Variants in CFAP54 observed in about 807,000 individuals in gnomAD.
The protein encoded by CFAP54 is cilia and flagella associated protein 54.
CFAP54 carries 290 observed loss-of-function variants against 370.4 expected under a neutral mutation model. The ratio of observed to expected loss-of-function variants is 0.78; its 90% CI spans 0.71 to 0.86. The LOEUF (loss-of-function observed/expected upper bound fraction) is 0.86. Ranked by LOEUF, CFAP54 falls within the 40% of genes least tolerant of loss-of-function variation. CFAP54 has a pLI of 0.00. For synonymous variants in CFAP54, 1,206 were observed against 1,236.5 expected, an observed-to-expected ratio of 0.98 and a Z score of 0.52; for missense variants, 3,399 against 3,528.7, an observed-to-expected ratio of 0.96 and a Z score of 0.93.
chr12:96,812,821 A>G (rs913909661), intron 64 of CFAP54, among the ~76,000 whole-genome samples: 6 of 152,194 alleles, frequency 3.9e-5, no homozygotes, highest in South Asian at 2.1e-4. Context: ...AGTGCTGGGC[A>G]TATTTTCAAT....
At chr12:96,729,158 C>G (rs1957883605) in intron 50 of CFAP54, among the ~76,000 whole-genome samples, 3 of 152,194 alleles carry the variant, frequency 2.0e-5, no homozygotes, top group African/African-American at 7.2e-5. Flanking sequence ...GGCAGTCTGC[C>G]CGTTCTCAGA....
intron 17 of CFAP54, among the ~76,000 whole-genome samples, chr12:96,555,241 T>C (rs933277498): frequency 1.3e-5 from 2 of 151,952 alleles, no homozygotes; most frequent in African/African-American, 4.8e-5. Flanking sequence ...CACAGAAATA[T>C]CTATATCAAA....
At chr12:96,634,046 CTTTTT>C (rs71437232) in intron 32 of CFAP54, among the ~76,000 whole-genome samples, 12 of 56,860 alleles carry the variant, frequency 2.1e-4, no homozygotes, top group Non-Finnish European at 3.3e-4. Flanking sequence ...TAGCGAACAT[CTTTTT>C]TTTTTTTTTT....
intron 63 of CFAP54, among the ~76,000 whole-genome samples, chr12:96,806,898 A>G (rs1958888199): frequency 6.6e-6 from 1 of 152,202 alleles, no homozygotes; most frequent in South Asian, 2.1e-4. Flanking sequence ...AACCAGCAGC[A>G]CTAGCATCCC....
Position 96,875,540 on chromosome 12 carries a change from A to G in CFAP54, c.*437A>G, listed in dbSNP as rs995553956. 6.6e-6 allele frequency: 1 copy of G among 152,204 alleles called. No individual in the cohort carries two copies. The highest frequency in any genetic ancestry group is 2.4e-5 in the African/African-American group (1 of 41,442). 9.4% of individuals were successfully genotyped at this position (152,204 alleles called of 1,614,324 possible). A position where few individuals can be genotyped will look rare whatever the true frequency, so the allele number is the denominator to read the frequency against. Reference sequence around the variant, plus strand: ...TAATTCTCAAGTAGATTAAAACTACATTCTGGTAAAAATGAGCATGCATGT... The same window carrying G: ...TAATTCTCAAGTAGATTAAAACTACGTTCTGGTAAAAATGAGCATGCATGT... On this transcript the variant is annotated 3_prime_UTR_variant, in exon 68 of 68. Coordinates refer to ENST00000524981, the MANE Select transcript of CFAP54 (RefSeq NM_001306084.2).
intron 60 of CFAP54, among the ~76,000 whole-genome samples, chr12:96,772,651 GGCATACTGCCCAGGCTGGAGTGCAA>G (rs1958475166): frequency 1.5e-5 from 2 of 135,080 alleles, no homozygotes; most frequent in African/African-American, 7.1e-5. Flanking sequence ...GGAGTGCAAT[GGCATACTGCCCAGGCTGGAGTGCAA>G]TGGAATAATC....
rs938651974 is a variant in CFAP54, at chr12:96,854,807, A to T, written c.9172-6012A>T. ...GGAACTATTATAATGTCTTTTTTTT[A>T]ACTTTTATTTTAGGTTCGGAATACA... On this transcript the variant is annotated intron_variant, in intron 66 of 67. Coordinates refer to ENST00000524981, the MANE Select transcript of CFAP54 (RefSeq NM_001306084.2). Among the ~76,000 whole-genome samples the T allele has an allele frequency of 2.6e-5, 4 of 152,134 alleles. No individual in the cohort carries two copies. In the East Asian group the frequency reaches 7.7e-4, roughly 29 times the overall value.
intron 5 of CFAP54, among the ~76,000 whole-genome samples, chr12:96,517,784 G>T (rs1955254399): frequency 6.6e-6 from 1 of 152,212 alleles, no homozygotes; most frequent in African/African-American, 2.4e-5. Context: ...GCAACCTGGG[G>T]TAAAGCCACA....
At chr12:96,775,558 G>A (rs1413224118) in intron 60 of CFAP54, among the ~76,000 whole-genome samples, 1 of 152,038 alleles carries the variant, frequency 6.6e-6, no homozygotes, top group East Asian at 1.9e-4. Context: ...TAGCTCATGA[G>A]TCCCACATAA....
intron 9 of CFAP54, 122 bp from the exon 10 acceptor site, chr12:96,533,670 G>C: frequency 1.3e-6 from 1 of 763,384 alleles, no homozygotes. Context: ...TCCCCCACTA[G>C]AACGTAAATC....
intron 65 of CFAP54, among the ~76,000 whole-genome samples, chr12:96,821,108 T>C (rs1001017424): frequency 6.6e-6 from 1 of 152,114 alleles, no homozygotes; most frequent in Non-Finnish European, 1.5e-5. Context: ...CTCATTTTCC[T>C]CTGAACTCCA....
chr12:96,788,854 T>C (rs930550158), intron 62 of CFAP54, among the ~76,000 whole-genome samples: 10 of 152,310 alleles, frequency 6.6e-5, no homozygotes, highest in African/African-American at 2.2e-4. Flanking sequence ...GAAAGCACAC[T>C]GGAAGATTTT....
intron 55 of CFAP54, among the ~76,000 whole-genome samples, chr12:96,744,701 C>A (rs1370770959): frequency 6.6e-6 from 1 of 151,940 alleles, no homozygotes; most frequent in African/African-American, 2.4e-5. Flanking sequence ...TATTTATTTT[C>A]TTTCTTCAAC....
chr12:96,514,642 C>T (rs924230173), intron 5 of CFAP54, among the ~76,000 whole-genome samples: 11 of 152,138 alleles, frequency 7.2e-5, no homozygotes, highest in African/African-American at 9.7e-5. Context: ...ATGTCTGTGC[C>T]GACATTTGAC....
Position 96,527,387 on chromosome 12 carries a change from G to T in CFAP54, c.1300G>T (p.Val434Leu), listed in dbSNP as rs1955394845. Residue 434 changes from valine to leucine, a missense_variant, in exon 9 of 68, where the codon GTG becomes TTG. Physicochemically the swap from Val to Leu is conservative, Grantham distance 32. Coordinates refer to ENST00000524981, the MANE Select transcript of CFAP54 (RefSeq NM_001306084.2). ...LQTGPIVTDE[V>L]EIHDVVSELF... is the part of the protein sequence containing the mutation. ...AACTGGACCCATTGTTACAGATGAA[G>T]TGGAGATTCATGATGTTGTCTCAGA... 2.6e-6 allele frequency: 4 copies of T among 1,534,436 alleles called. No homozygotes were observed. The East Asian group carries it at 9.8e-5, about 38-fold the overall frequency.
intron 60 of CFAP54, among the ~76,000 whole-genome samples, chr12:96,771,543 T>G (rs34266731): frequency 0.042 from 6,324 of 152,196 alleles, 199 homozygotes; most frequent in Non-Finnish European, 0.065. Context: ...TCCCAGCTAC[T>G]CGGGAGGCTG....
At chr12:96,688,403 A>C (rs986631110) in intron 42 of CFAP54, among the ~76,000 whole-genome samples, 7 of 152,182 alleles carry the variant, frequency 4.6e-5, no homozygotes, top group African/African-American at 1.7e-4. Context: ...TTTACCAAAA[A>C]CTTCCACGTC....
rs542994308 is a variant in CFAP54, at chr12:96,861,337, C to T, written c.*14+385C>T. 2.0e-4 allele frequency among the ~76,000 whole-genome samples: 31 copies of T among 152,262 alleles called. No homozygotes were observed. The South Asian group carries it at 4.8e-3, about 23-fold the overall frequency. On this transcript the variant is annotated intron_variant, in intron 67 of 67. Transcript: ENST00000524981. Reference sequence around the variant, plus strand: ...CTGGAGACGTATTTGGTTGTTATCACGGGTAGAGTACTAGTGGCATCCAGT... The same window carrying T: ...CTGGAGACGTATTTGGTTGTTATCATGGGTAGAGTACTAGTGGCATCCAGT...
At chr12:96,675,862 C>T (rs1316688164) in intron 39 of CFAP54, among the ~76,000 whole-genome samples, 4 of 151,554 alleles carry the variant, frequency 2.6e-5, no homozygotes, top group Admixed American at 1.3e-4. Context: ...ACTGCATATT[C>T]TCACTCACAG....
Sources: allele counts gnomAD v4.1 joint callset (sites outside exome capture counted in the v4.1 genomes callset), GRCh38; gene constraint gnomAD v4.1.1; transcripts MANE v1.5; gene names NCBI Gene and HGNC (gene_info 2026-07-23, HGNC 2026-07-21).